Variants in LMO7 observed in about 807,000 individuals in gnomAD.
The protein encoded by LMO7 is LIM domain only protein 7.
In LMO7, 120 loss-of-function variants were observed where a neutral mutation model predicts 206.5. The observed-to-expected ratio is 0.58, with a 90% CI of 0.50 to 0.68. The LOEUF is 0.68. Ranked by LOEUF, LMO7 falls within the 30% of genes least tolerant of loss-of-function variation. The pLI, the probability that LMO7 is intolerant of heterozygous loss-of-function variation, is 0.00. For synonymous variants in LMO7, 706 were observed against 681.5 expected (o/e 1.04, Z -0.56); for missense variants, 1,959 against 1,957.9 (o/e 1.00, Z -0.01).
intron 2 of LMO7, among the ~76,000 whole-genome samples, chr13:75,713,559 G>A (rs2043292941): frequency 6.6e-6 from 1 of 152,168 alleles, no homozygotes; most frequent in African/African-American, 2.4e-5. Context: ...CTTATGACAT[G>A]TTACCATTGA....
At chr13:75,831,982 A>G (rs559539479) in intron 15 of LMO7, among the ~76,000 whole-genome samples, 2 of 152,164 alleles carry the variant, frequency 1.3e-5, no homozygotes, top group Non-Finnish European at 2.9e-5. Flanking sequence ...GAAGTGCCCA[A>G]TTAGTTCCTG....
Position 75,857,914 on chromosome 13 carries a change from C to A in LMO7, c.4874-7C>A. On this transcript the variant is annotated splice_polypyrimidine_tract_variant and splice_region_variant and intron_variant, in intron 30 of 30. Transcript: ENST00000377534. The stretch of plus-strand genomic sequence containing the variant: ...CACTTTTCTTTCTTTTCTCCTTGCC[C>A]GATCAGCTGGACGGCCAACCGCCAT... 6.3e-7 allele frequency: 1 copy of A among 1,592,410 alleles called. No homozygotes were observed. The highest frequency in any genetic ancestry group is 1.8e-5 in the Admixed American group (1 of 55,670).
At chr13:75,624,526 A>G (rs575305827) in intron 2 of LMO7, among the ~76,000 whole-genome samples, 1 of 152,130 alleles carries the variant, frequency 6.6e-6, no homozygotes, top group Admixed American at 6.5e-5. Flanking sequence ...GAGAAACCCC[A>G]CCTGTATTAG....
chr13:75,662,728 C>T (rs1344561578), intron 1 of LMO7, among the ~76,000 whole-genome samples: 3 of 152,174 alleles, frequency 2.0e-5, no homozygotes, highest in African/African-American at 7.2e-5. Flanking sequence ...TTTTTTGCAT[C>T]CTCATTTACC....
chr13:75,715,752 A>T (rs2043483307), intron 2 of LMO7, among the ~76,000 whole-genome samples: 1 of 152,192 alleles, frequency 6.6e-6, no homozygotes, highest in Admixed American at 6.5e-5. Flanking sequence ...GAAACCTGTA[A>T]CTGAGGAAAG....
intron 1 of LMO7, among the ~76,000 whole-genome samples, chr13:75,709,233 T>C (rs1212398529): frequency 1.3e-5 from 2 of 152,216 alleles, no homozygotes; most frequent in African/African-American, 4.8e-5. Context: ...GTCTTTGTTA[T>C]TGTGAAAAGT....
rs1167329493 is a variant in LMO7, at chr13:75,737,769, A to T, written c.210+10671A>T. On this transcript the variant is annotated intron_variant, in intron 3 of 30. Coordinates refer to ENST00000377534, the MANE Select transcript of LMO7 (RefSeq NM_001306080.2). Reference sequence around the variant, plus strand: ...CTCCGTCTCAAAAAAAAAAAAAATAAAATAAAATAAAATAAAAAAAAAAAA... The same window carrying T: ...CTCCGTCTCAAAAAAAAAAAAAATATAATAAAATAAAATAAAAAAAAAAAA... 1.8e-3 allele frequency among the ~76,000 whole-genome samples: 51 copies of T among 28,046 alleles called. 3 individuals carry two copies. Among genetic ancestry groups the T allele is most frequent in the Non-Finnish European group, 3.1e-3 (47 of 15,184 alleles). The allele number at this position is 28,046 out of a possible 152,430, so 18.4% of individuals were successfully genotyped here. A position where few individuals can be genotyped will look rare whatever the true frequency, so the allele number is the denominator to read the frequency against.
At chr13:75,723,553 A>G (rs950205647) in intron 2 of LMO7, among the ~76,000 whole-genome samples, 2 of 152,214 alleles carry the variant, frequency 1.3e-5, no homozygotes, top group Admixed American at 6.5e-5. Flanking sequence ...GGACACTATT[A>G]GAAATAGAGC....
rs2057557078 is a variant in LMO7 at position 75,821,351 on chromosome 13, T to A, written c.2382T>A (p.Asp794Glu). 7 of 1,614,036 alleles carry A rather than the reference T, an allele frequency of 4.3e-6. No homozygotes were observed. The highest frequency in any genetic ancestry group is 5.9e-6 in the Non-Finnish European group (7 of 1,180,018). ...ATCCTTCAGAAATTCCCAAAGAAGA[T>A]TCTACCACTTTTGCAAAAAGAGAGG... ...ATYPSEIPKE[D>E]STTFAKREDR... Residue 794 changes from aspartate to glutamate, a missense_variant, in exon 14 of 31, where the codon GAT becomes GAA. Asp to Glu is a conservative substitution (Grantham distance 45). Coordinates refer to ENST00000377534, the MANE Select transcript of LMO7 (RefSeq NM_001306080.2).
chr13:75,624,819 A>C (rs1222255368), intron 2 of LMO7, among the ~76,000 whole-genome samples: 1 of 152,208 alleles, frequency 6.6e-6, no homozygotes, highest in Non-Finnish European at 1.5e-5. Flanking sequence ...CCCATGACAC[A>C]TGGGAATTGT....
Position 75,849,046 on chromosome 13 carries a change from A to G in LMO7, c.4151-33A>G, listed in dbSNP as rs146005541. On this transcript the variant is annotated intron_variant, in intron 26 of 30. Transcript: ENST00000377534. ...ATCACTGTCACTTTTAAAAGGTACT[A>G]ATCCCAAAGCTTTTGATTTGTTTTT... 1,221 of 1,318,910 alleles carry G rather than the reference A, an allele frequency of 9.3e-4. 14 individuals carry two copies. The African/African-American group carries it at 0.015, about 16-fold the overall frequency. The allele number at this position is 1,318,910 out of a possible 1,614,324, so 81.7% of individuals were successfully genotyped here. A position where few individuals can be genotyped will look rare whatever the true frequency, so the allele number is the denominator to read the frequency against.
chr13:75,663,432 CTTTT>C (rs1178254643), intron 1 of LMO7, among the ~76,000 whole-genome samples: 3 of 111,406 alleles, frequency 2.7e-5, no homozygotes, highest in Non-Finnish European at 1.7e-5. Context: ...TTCTTTCTTT[CTTTT>C]TTTTTTTTTT....
rs1007995149 is a variant in LMO7 at position 75,821,569 on chromosome 13, C to T, written c.2600C>T (p.Ser867Phe). Residue 867 changes from serine (S) to phenylalanine (F), a missense_variant, in exon 14 of 31, where the codon TCT becomes TTT. Transcript: ENST00000377534. ...TSVVTPRPFG[S>F]QTRGISSLPR... ...GTGGTCACACCAAGACCCTTTGGCT[C>T]TCAGACAAGGGGAATCTCATCACTC... 2.5e-6 allele frequency: 4 copies of T among 1,613,730 alleles called. No individual in the cohort carries two copies. The highest frequency in any genetic ancestry group is 2.2e-5 in the South Asian group (2 of 91,000).
chr13:75,672,324 C>T (rs143014047), intron 1 of LMO7, among the ~76,000 whole-genome samples: 9 of 151,608 alleles, frequency 5.9e-5, no homozygotes, highest in Non-Finnish European at 1.3e-4. Context: ...TCACCACAAC[C>T]TCTGCCTCCC....
rs1429777002 is a variant in LMO7 at position 75,835,267 on chromosome 13, T to C, written c.3261T>C (p.Ser1087=). Residue 1087 remains serine, a synonymous_variant, in exon 18 of 31, where the codon TCT becomes TCC. Transcript: ENST00000377534. ...SPETKWIDAT[S]GIYNSEKSSN... Reference sequence around the variant, plus strand: ...AAACAAAGTGGATTGATGCAACTTCTGGAATTTACAACTCAGAAAAATCTT... The same window carrying C: ...AAACAAAGTGGATTGATGCAACTTCCGGAATTTACAACTCAGAAAAATCTT... 1.2e-6 allele frequency: 2 copies of C among 1,611,978 alleles called. No homozygotes were observed. The highest frequency in any genetic ancestry group is 2.2e-5 in the South Asian group (2 of 90,726).
intron 11 of LMO7, among the ~76,000 whole-genome samples, chr13:75,815,692 A>G (rs1346946441): frequency 6.6e-6 from 1 of 152,206 alleles, no homozygotes; most frequent in Non-Finnish European, 1.5e-5. Flanking sequence ...GAGGTTGGGT[A>G]TTAATTTAAG....
intron 2 of LMO7, among the ~76,000 whole-genome samples, chr13:75,713,829 A>G (rs9573627): frequency 0.42 from 64,335 of 151,970 alleles, 14,017 homozygotes; most frequent in East Asian, 0.61. Context: ...TATAAGGCCT[A>G]CATTGTATGT....
At chr13:75,746,507 T>A (rs2046853295) in intron 3 of LMO7, among the ~76,000 whole-genome samples, 1 of 152,174 alleles carries the variant, frequency 6.6e-6, no homozygotes, top group Admixed American at 6.6e-5. Flanking sequence ...TTTGTTCATC[T>A]TGTACAGTTT....
At chr13:75,642,213 A>G (rs576932895) in intron 1 of LMO7, among the ~76,000 whole-genome samples, 19 of 152,308 alleles carry the variant, frequency 1.2e-4, no homozygotes, top group East Asian at 7.7e-4. Context: ...TGCAGTGTCA[A>G]TCATTCTGGA....
Sources: allele counts gnomAD v4.1 joint callset (sites outside exome capture counted in the v4.1 genomes callset), GRCh38; gene constraint gnomAD v4.1.1; transcripts MANE v1.5; gene names NCBI Gene and HGNC (gene_info 2026-07-23, HGNC 2026-07-21).